Variants in ME2 observed in about 807,000 individuals in gnomAD.
The protein encoded by ME2 is NAD-dependent malic enzyme, mitochondrial.
Under a neutral mutation model 73.7 loss-of-function variants are expected in ME2, and 60 were observed. The observed-to-expected ratio is 0.81, with a 90% CI of 0.66 to 1.01. ME2 has a LOEUF of 1.01. Among genes scored for constraint, ME2 ranks in the 50% least tolerant of loss-of-function variants. The pLI is 0.00. For synonymous variants in ME2, 199 were observed against 236.9 expected, an observed-to-expected ratio of 0.84 and a Z score of 1.47; for missense variants, 594 against 705.5, an observed-to-expected ratio of 0.84 and a Z score of 1.79.
rs935753808 is a variant in ME2 at position 50,948,321 on chromosome 18, A to G, written c.*1137A>G. Reference sequence around the variant, plus strand: ...AAATGGGTAATAATGGCTATCCAGAACAGTTTTCTTGTGTGGCTTGCATAT... The same window carrying G: ...AAATGGGTAATAATGGCTATCCAGAGCAGTTTTCTTGTGTGGCTTGCATAT... On this transcript the variant is annotated 3_prime_UTR_variant, in exon 16 of 16. Transcript: ENST00000321341. The G allele has an allele frequency of 5.3e-5, 8 of 152,164 alleles. No homozygotes were observed. The highest frequency in any genetic ancestry group is 2.6e-4 in the Admixed American group (4 of 15,268). The allele number at this position is 152,164 out of a possible 1,614,324, so 9.4% of individuals were successfully genotyped here.
intron 7 of ME2, among the ~76,000 whole-genome samples, chr18:50,918,416 T>C (rs1917338115): frequency 1.3e-5 from 2 of 152,176 alleles, no homozygotes; most frequent in African/African-American, 4.8e-5. Context: ...TCTGCCTTGC[T>C]TTCTTGAGTT....
intron 15 of ME2, among the ~76,000 whole-genome samples, chr18:50,942,035 T>A (rs988863814): frequency 6.6e-6 from 1 of 152,058 alleles, no homozygotes; most frequent in Non-Finnish European, 1.5e-5. Flanking sequence ...CTTTTAAAAG[T>A]TTTTTATGGA....
chr18:50,946,402 A>C (rs1918083933), intron 15 of ME2, among the ~76,000 whole-genome samples: 1 of 152,194 alleles, frequency 6.6e-6, no homozygotes, highest in African/African-American at 2.4e-5. Flanking sequence ...ACCTTGGGCA[A>C]GTTACTTAAA....
intron 2 of ME2, among the ~76,000 whole-genome samples, chr18:50,903,380 A>G (rs746399099): frequency 2.0e-5 from 3 of 152,194 alleles, no homozygotes; most frequent in Non-Finnish European, 4.4e-5. Context: ...TGTCCCTTAA[A>G]TCTAAATAGG....
intron 2 of ME2, among the ~76,000 whole-genome samples, chr18:50,904,373 G>A (rs1278081581): frequency 1.3e-5 from 2 of 151,524 alleles, no homozygotes; most frequent in African/African-American, 4.9e-5. Flanking sequence ...CCACCTCCTG[G>A]GTTGAAGCTA....
intron 1 of ME2, among the ~76,000 whole-genome samples, chr18:50,887,792 A>C (rs1334143057): frequency 6.6e-6 from 1 of 152,222 alleles, no homozygotes; most frequent in Admixed American, 6.5e-5. Flanking sequence ...CAAAGATTGC[A>C]AAGTGAGCTT....
chr18:50,940,839 TTAA>T (rs904494651), intron 15 of ME2, among the ~76,000 whole-genome samples: 2 of 152,224 alleles, frequency 1.3e-5, no homozygotes, highest in African/African-American at 4.8e-5. Flanking sequence ...TCCATGTAAC[TTAA>T]TAATAATTCT....
intron 1 of ME2, among the ~76,000 whole-genome samples, chr18:50,895,594 C>T (rs1344416387): frequency 6.6e-6 from 1 of 152,176 alleles, no homozygotes; most frequent in Non-Finnish European, 1.5e-5. Flanking sequence ...GTGTCTGATA[C>T]ATAGTAGGTG....
chr18:50,938,504 G>T (rs1162967786), intron 13 of ME2, among the ~76,000 whole-genome samples: 1 of 152,072 alleles, frequency 6.6e-6, no homozygotes, highest in East Asian at 1.9e-4. Flanking sequence ...TCTAAACCTA[G>T]ACAAACTATC....
chr18:50,926,696 C>G (rs1057345011), intron 12 of ME2, among the ~76,000 whole-genome samples: 1 of 152,156 alleles, frequency 6.6e-6, no homozygotes, highest in Non-Finnish European at 1.5e-5. Flanking sequence ...TACTATCTCT[C>G]TTGCTTTCTG....
Position 50,924,168 on chromosome 18 carries a change from C to T in ME2, c.1127C>T (p.Thr376Ile), listed in dbSNP as rs1917491964. ...THSAPESIPD[T>I]FEDAVNILKP... is the part of the protein sequence containing the mutation. ...TCAGCCCCAGAGAGCATACCTGATA[C>T]TTTTGAAGATGCAGTGAATATACTG... Residue 376 changes from threonine to isoleucine, a missense_variant, in exon 11 of 16, where the codon ACT (threonine) becomes ATT (isoleucine). By Grantham distance (89) the Thr-to-Ile change is moderately conservative. Transcript: ENST00000321341. 6.2e-7 allele frequency: 1 copy of T among 1,613,062 alleles called. No individual in the cohort carries two copies. Among genetic ancestry groups the T allele is most frequent in the African/African-American group, 1.3e-5 (1 of 74,888 alleles).
At position 50,947,760 on chromosome 18, in the gene ME2, C is replaced by G. The variant is rs1002055092; in HGVS notation, c.*576C>G. ...CCCTATTTATTTTCTGGAACTAAATCAAGCCTTAACTATAACATTATGAGA... is the reference window on the plus strand; with the variant it reads ...CCCTATTTATTTTCTGGAACTAAATGAAGCCTTAACTATAACATTATGAGA... On this transcript the variant is annotated 3_prime_UTR_variant, in exon 16 of 16. Coordinates refer to ENST00000321341, the MANE Select transcript of ME2 (RefSeq NM_002396.5). 1 of 152,182 alleles carries G rather than the reference C, an allele frequency of 6.6e-6. No homozygotes were observed. The highest frequency in any genetic ancestry group is 1.5e-5 in the Non-Finnish European group (1 of 68,054). The allele number at this position is 152,182 out of a possible 1,614,324, so 9.4% of individuals were successfully genotyped here.
intron 2 of ME2, among the ~76,000 whole-genome samples, chr18:50,906,769 G>A (rs1421849971): frequency 2.0e-5 from 3 of 152,098 alleles, no homozygotes; most frequent in Admixed American, 6.5e-5. Flanking sequence ...TGCATGTTGC[G>A]GCATACCTCC....
intron 7 of ME2, among the ~76,000 whole-genome samples, chr18:50,919,648 C>T (rs1917374121): frequency 6.6e-6 from 1 of 152,122 alleles, no homozygotes; most frequent in Admixed American, 6.6e-5. Context: ...ATCATAGTAG[C>T]CTCCTAGTTG....
intron 4 of ME2, among the ~76,000 whole-genome samples, chr18:50,913,496 C>A (rs1038181522): frequency 6.6e-6 from 1 of 151,914 alleles, no homozygotes; most frequent in Non-Finnish European, 1.5e-5. Flanking sequence ...ACCATGCCTG[C>A]TAATTTTTGT....
chr18:50,927,705 A>G (rs1168223509), intron 12 of ME2, among the ~76,000 whole-genome samples: 2 of 107,964 alleles, frequency 1.9e-5, no homozygotes, highest in African/African-American at 3.5e-5. Context: ...CCATCTCAAA[A>G]AAAACCCCAA....
chr18:50,893,030 C>A (rs1916641502), intron 1 of ME2, among the ~76,000 whole-genome samples: 2 of 145,340 alleles, frequency 1.4e-5, no homozygotes, highest in African/African-American at 2.6e-5. Context: ...GAGGCTGGGG[C>A]AGGAGAATCA....
intron 1 of ME2, among the ~76,000 whole-genome samples, chr18:50,882,700 G>C (rs1340367852): frequency 6.6e-6 from 1 of 152,174 alleles, no homozygotes; most frequent in Non-Finnish European, 1.5e-5. Flanking sequence ...TGTAATCCCA[G>C]CACTTTGGGA....
At position 50,954,014 on chromosome 18, in the gene ME2, TTTCACATCTGAGTG is replaced by T. The variant is rs1918273660; in HGVS notation, c.*6833_*6846del. ...ACGTATTGCAAGTCATTGCTTAGCC[TTTCACATCTGAGTG>T]TTGATAAGATGACGGAATGGGTAGT... On this transcript the variant is annotated 3_prime_UTR_variant, in exon 16 of 16. Transcript: ENST00000321341. 6.6e-6 allele frequency: 1 copy of T among 152,248 alleles called. No individual in the cohort carries two copies. The highest frequency in any genetic ancestry group is 2.1e-4 in the South Asian group (1 of 4,838). The allele number at this position is 152,248 out of a possible 1,614,324, so 9.4% of individuals were successfully genotyped here.
Sources: allele counts gnomAD v4.1 joint callset (sites outside exome capture counted in the v4.1 genomes callset), GRCh38; gene constraint gnomAD v4.1.1; transcripts MANE v1.5; gene names NCBI Gene and HGNC (gene_info 2026-07-23, HGNC 2026-07-21).